ERC1: variants seen among roughly 807,000 people sequenced by gnomAD.
ERC1 encodes RAB6 interacting protein 2.
Under a neutral mutation model 132.0 loss-of-function variants are expected in ERC1, and 56 were observed. That is an observed-to-expected ratio of 0.42 (90% confidence interval 0.34 to 0.53). The LOEUF (loss-of-function observed/expected upper bound fraction) is 0.53. ERC1 is among the 20% of genes least tolerant of loss of function. ERC1 has a pLI of 0.03. For missense variants in ERC1, 1,202 were observed against 1,349.9 expected, an observed-to-expected ratio of 0.89 and a Z score of 1.72; for synonymous variants, 478 against 476.1, an observed-to-expected ratio of 1.00 and a Z score of -0.05.
intron 2 of ERC1, among the ~76,000 whole-genome samples, chr12:1,066,493 G>A (rs138457696): frequency 2.6e-5 from 4 of 152,306 alleles, no homozygotes; most frequent in Admixed American, 6.5e-5. Flanking sequence ...TGTTGAGAGC[G>A]TCTTAAGTCA....
intron 7 of ERC1, among the ~76,000 whole-genome samples, chr12:1,135,351 ATGT>A (rs1248091896): frequency 6.6e-6 from 1 of 152,112 alleles, no homozygotes; most frequent in Non-Finnish European, 1.5e-5. Flanking sequence ...CATTTTAGTG[ATGT>A]TGTCTCTTTC....
intron 18 of ERC1, among the ~76,000 whole-genome samples, chr12:1,463,734 T>TG (rs1431465643): frequency 2.0e-5 from 3 of 151,106 alleles, no homozygotes; most frequent in East Asian, 1.9e-4. Context: ...TGTGTGTGTC[T>TG]TGACAAACTG....
intron 15 of ERC1, among the ~76,000 whole-genome samples, chr12:1,314,140 AT>A (rs149157259): frequency 0.028 from 4,327 of 152,174 alleles, 64 homozygotes; most frequent in Middle Eastern, 0.075. Context: ...GGTTCCTTAA[AT>A]TTTTAACTCC....
At position 1,028,228 on chromosome 12, in the gene ERC1, A is replaced by C; in HGVS notation, c.325A>C (p.Ser109Arg). The change falls in exon 2 of 19, where the codon AGT becomes CGT. Residue 109 changes from serine to arginine, a missense_variant. Ser to Arg is a moderately radical substitution (Grantham distance 110). Coordinates refer to ENST00000360905, the MANE Select transcript of ERC1 (RefSeq NM_178040.4). ...PYGVRMTAMGSSPNIASSGVA... is the reference protein window; with the variant it reads ...PYGVRMTAMGRSPNIASSGVA... ...CGGTGTTCGGATGACTGCTATGGGT[A>C]GTAGCCCCAATATAGCTAGCAGTGG... 6.2e-7 allele frequency: 1 copy of C among 1,614,160 alleles called. No homozygotes were observed. Among genetic ancestry groups the C allele is most frequent in the Non-Finnish European group, 8.5e-7 (1 of 1,180,030 alleles).
At chr12:1,235,696 G>A (rs1253767616) in intron 12 of ERC1, among the ~76,000 whole-genome samples, 2 of 152,156 alleles carry the variant, frequency 1.3e-5, no homozygotes, top group African/African-American at 2.4e-5. Context: ...ATTAATGGAT[G>A]TGGAGAGGTA....
chr12:1,484,070 C>T lies in ERC1; in HGVS notation c.3214-6023C>T, dbSNP rs576199609. ...CCTGTAATCCCAGCACTTTGGGAGG[C>T]TGAGGCGGGCGGATCACGAGGTCAG... On this transcript the variant is annotated intron_variant, in intron 18 of 18. Transcript: ENST00000360905. 1.0e-2 allele frequency among the ~76,000 whole-genome samples: 614 copies of T among 61,478 alleles called. 6 individuals are homozygous for T. The highest frequency in any genetic ancestry group is 0.085 in the Middle Eastern group (8 of 94). The allele number at this position is 61,478 out of a possible 152,430, so 40.3% of individuals were successfully genotyped here.
chr12:1,266,047 A>G (rs558515312), intron 14 of ERC1, among the ~76,000 whole-genome samples: 1 of 152,278 alleles, frequency 6.6e-6, no homozygotes, highest in East Asian at 1.9e-4. Flanking sequence ...ATAAGTTTTC[A>G]GCTCATTTGG....
At chr12:1,463,734 T>TGTGTG (rs1431465643) in intron 18 of ERC1, among the ~76,000 whole-genome samples, 4 of 151,100 alleles carry the variant, frequency 2.6e-5, no homozygotes, top group African/African-American at 4.9e-5. Context: ...TGTGTGTGTC[T>TGTGTG]TGACAAACTG....
At chr12:1,061,623 C>G (rs897781278) in intron 2 of ERC1, among the ~76,000 whole-genome samples, 1 of 151,938 alleles carries the variant, frequency 6.6e-6, no homozygotes, top group African/African-American at 2.4e-5. Context: ...GCAACAACAA[C>G]AAGAACAATC....
Position 1,083,677 on chromosome 12 carries a change from G to A in ERC1, c.1086+97G>A, listed in dbSNP as rs549023814. 75 of 939,250 alleles carry A rather than the reference G, an allele frequency of 8.0e-5. No homozygotes were observed. In the African/African-American group the frequency reaches 8.2e-4, roughly 10 times the overall value. 58.2% of individuals were successfully genotyped at this position (939,250 alleles called of 1,614,324 possible). A position where few individuals can be genotyped will look rare whatever the true frequency, so the allele number is the denominator to read the frequency against. Reference sequence around the variant, plus strand: ...CCCCAGTGAATCTACGTGCTCTGCCGTGCTGGTGGAAGAGAATTTCATCCT... The same window carrying A: ...CCCCAGTGAATCTACGTGCTCTGCCATGCTGGTGGAAGAGAATTTCATCCT... On this transcript the variant is annotated intron_variant, in intron 3 of 18. Coordinates refer to ENST00000360905, the MANE Select transcript of ERC1 (RefSeq NM_178040.4).
At chr12:1,138,876 T>A (rs1046575947) in intron 7 of ERC1, among the ~76,000 whole-genome samples, 1 of 152,054 alleles carries the variant, frequency 6.6e-6, no homozygotes, top group Non-Finnish European at 1.5e-5. Context: ...GAGTGTGGGG[T>A]CTGGAGGCAA....
In ERC1 at chr12:1,027,931, A is replaced by G. The variant is rs2154150079; in HGVS notation, c.28A>G (p.Lys10Glu). The G allele has an allele frequency of 6.2e-7, 1 of 1,611,068 alleles. No homozygotes were observed. Among genetic ancestry groups the G allele is most frequent in the Non-Finnish European group, 8.5e-7 (1 of 1,177,780 alleles). The change falls in exon 2 of 19, where the codon AAG (lysine) becomes GAG (glutamate). Residue 10 changes from lysine to glutamate, a missense_variant. By Grantham distance (56) the Lys-to-Glu change is moderately conservative. Coordinates refer to ENST00000360905, the MANE Select transcript of ERC1 (RefSeq NM_178040.4). MYGSARSVG[K>E]VEPSSQSPGR... The stretch of plus-strand genomic sequence containing the variant: ...GTATGGAAGTGCCCGCTCTGTTGGG[A>G]AGGTGGAGCCGAGCAGCCAGAGCCC...
intron 18 of ERC1, among the ~76,000 whole-genome samples, chr12:1,486,789 T>G (rs2094226048): frequency 6.6e-6 from 1 of 152,222 alleles, no homozygotes; most frequent in Non-Finnish European, 1.5e-5. Context: ...AAAATGTTCT[T>G]AAACTAAATT....
At chr12:1,055,557 T>C (rs1972791211) in intron 2 of ERC1, among the ~76,000 whole-genome samples, 1 of 152,190 alleles carries the variant, frequency 6.6e-6, no homozygotes, top group Non-Finnish European at 1.5e-5. Flanking sequence ...GTAATGAATT[T>C]CCCACAATCT....
intron 17 of ERC1, among the ~76,000 whole-genome samples, chr12:1,418,483 G>A (rs1055491510): frequency 6.6e-6 from 1 of 152,152 alleles, no homozygotes; most frequent in Non-Finnish European, 1.5e-5. Flanking sequence ...TATTAGATTA[G>A]ACCCAATTGT....
At chr12:1,325,859 A>G (rs1014524091) in intron 15 of ERC1, among the ~76,000 whole-genome samples, 2 of 152,042 alleles carry the variant, frequency 1.3e-5, no homozygotes, top group African/African-American at 2.4e-5. Flanking sequence ...TGCTTCTCCA[A>G]ACCTGTTTGC....
chr12:1,284,264 T>G (rs1477688031), intron 14 of ERC1, among the ~76,000 whole-genome samples: 1 of 92,208 alleles, frequency 1.1e-5, no homozygotes, highest in Non-Finnish European at 2.3e-5. Flanking sequence ...TGAATAGTAT[T>G]CGTGTGTGTG....
Position 1,028,071 on chromosome 12 carries a change from G to A in ERC1, c.168G>A (p.Met56Ile). The change falls in exon 2 of 19, where the codon ATG becomes ATA. Residue 56 changes from methionine to isoleucine, a missense_variant. By Grantham distance (10) the Met-to-Ile change is conservative. Coordinates refer to ENST00000360905, the MANE Select transcript of ERC1 (RefSeq NM_178040.4). ...GTGGCAGTGGGAAAACCCTTTCAAT[G>A]GAAAATATACAATCTTTAAATGCTG... ...VGGGSGKTLS[M>I]ENIQSLNAAY... 6.2e-7 allele frequency: 1 copy of A among 1,614,118 alleles called. No individual in the cohort carries two copies. Among genetic ancestry groups the A allele is most frequent in the Non-Finnish European group, 8.5e-7 (1 of 1,180,022 alleles).
intron 14 of ERC1, among the ~76,000 whole-genome samples, chr12:1,266,391 C>CTTTTTTTTTTTTTTTTTTTTT (rs71293128): frequency 2.3e-5 from 1 of 43,016 alleles, no homozygotes; most frequent in Non-Finnish European, 4.0e-5. Context: ...CGTTTCCTGT[C>CTTTTTTTTTTTTTTTTTTTTT]TTTTTTTTTT....
Sources: allele counts gnomAD v4.1 joint callset (sites outside exome capture counted in the v4.1 genomes callset), GRCh38; gene constraint gnomAD v4.1.1; transcripts MANE v1.5; gene names NCBI Gene and HGNC (gene_info 2026-07-23, HGNC 2026-07-21).